EMCN: variants seen among roughly 807,000 people sequenced by gnomAD.
The protein encoded by EMCN is MUC-14.
EMCN carries 37 observed loss-of-function variants against 38.4 expected under a neutral mutation model. The observed-to-expected ratio is 0.96, with a 90% CI of 0.74 to 1.27. The LOEUF (loss-of-function observed/expected upper bound fraction) is 1.27, where lower values mean the gene tolerates loss of function less well. Among genes scored for constraint, EMCN ranks in the 50% most tolerant of loss-of-function variants. The probability of loss-of-function intolerance (pLI) is 0.00; values close to 1 mark genes in which losing one functional copy is unlikely to be tolerated. For missense variants in EMCN, 318 were observed against 302.8 expected (o/e 1.05, Z -0.37); for synonymous variants, 95 against 100.8 (o/e 0.94, Z 0.35).
chr4:100,453,753 C>A (rs1346837838), intron 4 of EMCN, among the ~76,000 whole-genome samples: 1 of 151,954 alleles, frequency 6.6e-6, no homozygotes, highest in Non-Finnish European at 1.5e-5. Context: ...TTCACAATAG[C>A]AAAGACTTGG....
chr4:100,404,742 T>TA (rs1726347442), intron 11 of EMCN, among the ~76,000 whole-genome samples: 1 of 152,176 alleles, frequency 6.6e-6, no homozygotes, highest in South Asian at 2.1e-4. Context: ...TTTCTAATTC[T>TA]GTGAAAAATG....
intron 1 of EMCN, among the ~76,000 whole-genome samples, chr4:100,480,452 T>C (rs1728776732): frequency 6.6e-6 from 1 of 151,956 alleles, no homozygotes; most frequent in Non-Finnish European, 1.5e-5. Flanking sequence ...TCAAAATTAG[T>C]ATATGTCTTC....
At chr4:100,410,087 C>G (rs1321186496) in intron 11 of EMCN, among the ~76,000 whole-genome samples, 195 bp downstream of exon 11, 1 of 152,212 alleles carries the variant, frequency 6.6e-6, no homozygotes, top group Admixed American at 6.5e-5. Context: ...GACAAATCGT[C>G]TACAACCACC....
chr4:100,417,204 G>T, intron 8 of EMCN, 63 bp from the exon 9 acceptor site: 1 of 1,485,982 alleles, frequency 6.7e-7, no homozygotes, highest in South Asian at 1.1e-5. Flanking sequence ...ATATGAGCAA[G>T]CCCCTCTAAC....
intron 2 of EMCN, among the ~76,000 whole-genome samples, chr4:100,475,335 A>ACACACACT (rs1553930950): frequency 6.0e-5 from 9 of 150,666 alleles, no homozygotes; most frequent in African/African-American, 2.0e-4. Flanking sequence ...ACACACACAC[A>ACACACACT]TTTTTCATAA....
At chr4:100,503,327 G>C (rs529947450) in intron 1 of EMCN, among the ~76,000 whole-genome samples, 3 of 152,042 alleles carry the variant, frequency 2.0e-5, no homozygotes, top group African/African-American at 7.2e-5. Context: ...TAAATTTTTG[G>C]CATAAGGCTT....
At chr4:100,512,435 A>T (rs1350790989) in intron 1 of EMCN, among the ~76,000 whole-genome samples, 1 of 152,132 alleles carries the variant, frequency 6.6e-6, no homozygotes, top group African/African-American at 2.4e-5. Context: ...CTGTTAGCCT[A>T]AGCTAACAGA....
intron 3 of EMCN, among the ~76,000 whole-genome samples, chr4:100,470,386 A>AAAAC (rs1728443386): frequency 2.6e-5 from 4 of 151,484 alleles, no homozygotes; most frequent in Admixed American, 2.6e-4. Context: ...GTTAAAAAAA[A>AAAAC]AAACAGGTGC....
chr4:100,461,673 G>A (rs1005372946), intron 4 of EMCN, among the ~76,000 whole-genome samples: 4 of 152,134 alleles, frequency 2.6e-5, no homozygotes, highest in African/African-American at 7.2e-5. Context: ...AGAGAGAAAT[G>A]TTTTGAGTAT....
At chr4:100,416,037 A>G in intron 9 of EMCN, 78 bp from the exon 10 acceptor site, 1 of 886,644 alleles carries the variant, frequency 1.1e-6, no homozygotes, top group Non-Finnish European at 1.8e-6. Flanking sequence ...TGACACAAAC[A>G]GAATGACGAA....
intron 1 of EMCN, among the ~76,000 whole-genome samples, chr4:100,488,900 T>A (rs193145337): frequency 1.4e-3 from 217 of 152,246 alleles, no homozygotes; most frequent in Non-Finnish European, 2.8e-3. Context: ...CAGAGAGAAT[T>A]TTTTTTGCCC....
intron 11 of EMCN, among the ~76,000 whole-genome samples, chr4:100,399,411 G>C (rs1345432431): frequency 6.6e-6 from 1 of 152,042 alleles, no homozygotes; most frequent in Non-Finnish European, 1.5e-5. Context: ...TTCCTGGTTT[G>C]GTTGGTGAAG....
At chr4:100,405,214 T>C (rs1223620570) in intron 11 of EMCN, among the ~76,000 whole-genome samples, 1 of 152,084 alleles carries the variant, frequency 6.6e-6, no homozygotes. Flanking sequence ...ATTTCTTCTC[T>C]TGCCTGACTG....
chr4:100,481,539 G>T (rs1395345907), intron 1 of EMCN, among the ~76,000 whole-genome samples: 1 of 152,054 alleles, frequency 6.6e-6, no homozygotes, highest in Admixed American at 6.6e-5. Flanking sequence ...ACCTCTGGAG[G>T]TGCACTTCAC....
At chr4:100,454,852 T>A (rs77094703) in intron 4 of EMCN, among the ~76,000 whole-genome samples, 1 of 152,172 alleles carries the variant, frequency 6.6e-6, no homozygotes, top group South Asian at 2.1e-4. Flanking sequence ...TCTGATATTA[T>A]TGTAGTCCCT....
intron 7 of EMCN, 51 bp from the exon 8 acceptor site, chr4:100,421,428 G>T (rs755538443): frequency 1.0e-5 from 15 of 1,445,226 alleles, no homozygotes; most frequent in Non-Finnish European, 1.5e-5. Flanking sequence ...GAATTTCACA[G>T]CGATAGTTTG....
At chr4:100,475,536 G>C (rs1357944741) in intron 2 of EMCN, among the ~76,000 whole-genome samples, 1 of 149,998 alleles carries the variant, frequency 6.7e-6, no homozygotes, top group Non-Finnish European at 1.5e-5. Flanking sequence ...TCATTTTATT[G>C]ATGTAGTTAT....
chr4:100,421,449 C>A (rs17030120), intron 7 of EMCN, 72 bp from the exon 8 acceptor site: 47,670 of 1,140,528 alleles, frequency 0.042, 1,642 homozygotes, highest in African/African-American at 0.16. Context: ...GTAAGTGAGC[C>A]AAAGCATGAG....
chr4:100,403,843 C>T (rs774197652), intron 11 of EMCN, among the ~76,000 whole-genome samples: 1 of 152,064 alleles, frequency 6.6e-6, no homozygotes, highest in Non-Finnish European at 1.5e-5. Flanking sequence ...GGCACTTTTG[C>T]ATATGCTTGT....
Sources: gnomAD v4.1 joint callset for allele counts (sites outside exome capture counted in the v4.1 genomes callset) on GRCh38, gnomAD v4.1.1 for gene constraint, MANE v1.5 for transcripts, NCBI Gene and HGNC (gene_info 2026-07-23, HGNC 2026-07-21) for gene names.